DGKB: variants seen among roughly 807,000 people sequenced by gnomAD.
The protein encoded by DGKB is diacylglycerol kinase beta, also known as 90 kDa diacylglycerol kinase.
In DGKB, 67 loss-of-function variants were observed where a neutral mutation model predicts 114.3. The ratio of observed to expected loss-of-function variants is 0.59; its 90% CI spans 0.48 to 0.72. The LOEUF is 0.72. Among genes scored for constraint, DGKB ranks in the 30% least tolerant of loss-of-function variants. The pLI is 0.00. For synonymous variants in DGKB, 398 were observed against 323.1 expected, an observed-to-expected ratio of 1.23 and a Z score of -2.49; for missense variants, 907 against 975.2, an observed-to-expected ratio of 0.93 and a Z score of 0.93.
chr7:14,571,328 G>C (rs6950634), intron 20 of DGKB, among the ~76,000 whole-genome samples: 1 of 151,952 alleles, frequency 6.6e-6, no homozygotes, highest in Non-Finnish European at 1.5e-5. Context: ...GAACTGACTT[G>C]ATTTGAAATG....
chr7:14,384,268 G>T (rs149997556), intron 21 of DGKB, among the ~76,000 whole-genome samples: 148 of 152,134 alleles, frequency 9.7e-4, no homozygotes, highest in Non-Finnish European at 1.8e-3. Context: ...TAAAATTCTG[G>T]ACCTAAAATT....
intron 17 of DGKB, among the ~76,000 whole-genome samples, chr7:14,590,469 T>C (rs1275369053): frequency 1.3e-5 from 2 of 152,272 alleles, no homozygotes; most frequent in Admixed American, 6.5e-5. Context: ...TTATTCATTC[T>C]TGTTTTCTTT....
chr7:14,689,244 C>G (rs1822371312), intron 9 of DGKB, among the ~76,000 whole-genome samples: 1 of 113,842 alleles, frequency 8.8e-6, no homozygotes, highest in African/African-American at 3.1e-5. Context: ...CTCGCTCTGT[C>G]GCCCAGGCTG....
At chr7:14,863,560 C>G (rs973093450) in intron 1 of DGKB, among the ~76,000 whole-genome samples, 2 of 151,860 alleles carry the variant, frequency 1.3e-5, no homozygotes, top group Non-Finnish European at 2.9e-5. Context: ...TACATACTTA[C>G]AGTGCTACCT....
In DGKB at chr7:14,902,633, G is replaced by C. The variant is rs1369430414; in HGVS notation, c.-229C>G. 1 of 152,232 alleles carries C rather than the reference G, an allele frequency of 6.6e-6. No individual in the cohort carries two copies. The highest frequency in any genetic ancestry group is 2.4e-5 in the African/African-American group (1 of 41,436). The allele number at this position is 152,232 out of a possible 1,614,324, so 9.4% of individuals were successfully genotyped here. ...CGAAAGCTGAGCGCATCTCTGAAGCGAGAGCCACTGCTTTTCCGGAGAGGA... is the reference window on the plus strand; with the variant it reads ...CGAAAGCTGAGCGCATCTCTGAAGCCAGAGCCACTGCTTTTCCGGAGAGGA... On this transcript the variant is annotated 5_prime_UTR_variant, in exon 1 of 26. Coordinates refer to ENST00000402815, the MANE Select transcript of DGKB (RefSeq NM_001350709.2).
At chr7:14,361,215 A>G (rs576676067) in intron 21 of DGKB, among the ~76,000 whole-genome samples, 2 of 152,226 alleles carry the variant, frequency 1.3e-5, no homozygotes, top group Admixed American at 6.5e-5. Flanking sequence ...GAAAATGCCA[A>G]TCACCTTAAA....
intron 21 of DGKB, among the ~76,000 whole-genome samples, chr7:14,468,253 C>A (rs1431525): frequency 1.3e-5 from 2 of 151,670 alleles, no homozygotes. Flanking sequence ...TATTGGTTAA[C>A]GTCACAGGCT....
rs544370348 is a variant in DGKB at position 14,474,496 on chromosome 7, A to G, written c.1835+3665T>C. 2.0e-5 allele frequency among the ~76,000 whole-genome samples: 3 copies of G among 152,304 alleles called. No homozygotes were observed. The East Asian group carries it at 5.8e-4, about 29-fold the overall frequency. On this transcript the variant is annotated intron_variant, in intron 21 of 25. Transcript: ENST00000402815. ...TTTCCTATAACTGGTTCCATTTTGC[A>G]AGTTACTTGGAAGTCCTTTTCAATG...
intron 12 of DGKB, among the ~76,000 whole-genome samples, chr7:14,674,131 T>A (rs1212658597): frequency 6.6e-6 from 1 of 151,760 alleles, no homozygotes; most frequent in Non-Finnish European, 1.5e-5. Context: ...TCATGCTAAC[T>A]CCCTGCATTG....
intron 23 of DGKB, among the ~76,000 whole-genome samples, chr7:14,335,663 TATA>T (rs1810515728): frequency 6.6e-6 from 1 of 152,222 alleles, no homozygotes; most frequent in Non-Finnish European, 1.5e-5. Context: ...AGTCAGTGCT[TATA>T]ATGATTTTGT....
chr7:14,695,505 T>A (rs1195618936), intron 8 of DGKB, among the ~76,000 whole-genome samples: 1 of 124,532 alleles, frequency 8.0e-6, no homozygotes, highest in African/African-American at 3.2e-5. Context: ...TTTTTTTTTT[T>A]TTTTTTTTTT....
chr7:14,300,580 T>C (rs1166930432), intron 23 of DGKB, among the ~76,000 whole-genome samples: 1 of 152,156 alleles, frequency 6.6e-6, no homozygotes, highest in Non-Finnish European at 1.5e-5. Flanking sequence ...TATAAATCTC[T>C]GAATACCTGC....
At chr7:14,567,979 T>G (rs2128694923) in intron 20 of DGKB, among the ~76,000 whole-genome samples, 1 of 152,252 alleles carries the variant, frequency 6.6e-6, no homozygotes, top group South Asian at 2.1e-4. Context: ...TTTTTTTGTT[T>G]AATTAAACAA....
intron 20 of DGKB, among the ~76,000 whole-genome samples, chr7:14,494,219 G>C (rs939343868): frequency 2.6e-5 from 4 of 151,868 alleles, no homozygotes; most frequent in African/African-American, 9.7e-5. Context: ...TTCCTTAAAA[G>C]AGTATATTTT....
chr7:14,534,260 G>C (rs1792064847), intron 20 of DGKB, among the ~76,000 whole-genome samples: 1 of 151,990 alleles, frequency 6.6e-6, no homozygotes, highest in Non-Finnish European at 1.5e-5. Flanking sequence ...CAAGAGGTTA[G>C]TCCAGGCTTA....
At chr7:14,313,361 C>A (rs1269725550) in intron 23 of DGKB, among the ~76,000 whole-genome samples, 1 of 152,002 alleles carries the variant, frequency 6.6e-6, no homozygotes, top group Non-Finnish European at 1.5e-5. Context: ...ATCTGAGGTA[C>A]CGGGTTCATC....
chr7:14,801,677 C>G (rs544344341), intron 2 of DGKB, among the ~76,000 whole-genome samples: 21 of 151,956 alleles, frequency 1.4e-4, no homozygotes, highest in African/African-American at 5.1e-4. Flanking sequence ...TTCCCCCCGT[C>G]TCAGGATTTT....
chr7:14,486,061 T>C (rs1365707730), intron 20 of DGKB, among the ~76,000 whole-genome samples: 3 of 152,112 alleles, frequency 2.0e-5, no homozygotes, highest in Admixed American at 6.6e-5. Context: ...CACTTCATTC[T>C]TTTTTTTAAA....
At chr7:14,715,070 C>A (rs781093729) in intron 6 of DGKB, among the ~76,000 whole-genome samples, 4 of 152,064 alleles carry the variant, frequency 2.6e-5, no homozygotes, top group Non-Finnish European at 4.4e-5. Context: ...GTTGAGAAAA[C>A]TGAGTCCTGA....
Sources: gnomAD v4.1 joint callset for allele counts (sites outside exome capture counted in the v4.1 genomes callset) on GRCh38, gnomAD v4.1.1 for gene constraint, MANE v1.5 for transcripts, NCBI Gene and HGNC (gene_info 2026-07-23, HGNC 2026-07-21) for gene names.